The following CDH13 variants were observed in gnomAD, a reference collection of about 807,000 sequenced individuals.
The protein encoded by CDH13 is cadherin-13.
Under a neutral mutation model 63.8 loss-of-function variants are expected in CDH13, and 24 were observed. That is an observed-to-expected ratio of 0.38 (90% confidence interval 0.27 to 0.53). CDH13 has a LOEUF of 0.53. Among genes scored for constraint, CDH13 ranks in the 20% least tolerant of loss-of-function variants. The pLI, the probability that CDH13 is intolerant of heterozygous loss-of-function variation, is 0.85. For missense variants in CDH13, 1,049 were observed against 903.1 expected, an observed-to-expected ratio of 1.16 and a Z score of -2.07; for synonymous variants, 503 against 355.3, an observed-to-expected ratio of 1.42 and a Z score of -4.67.
intron 2 of CDH13, among the ~76,000 whole-genome samples, chr16:82,895,228 C>T (rs1009739239): frequency 6.6e-6 from 1 of 152,186 alleles, no homozygotes; most frequent in African/African-American, 2.4e-5. Context: ...CAGCCCTTGA[C>T]ATCCACCAAT....
At chr16:83,503,657 C>A (rs1362726399) in intron 7 of CDH13, among the ~76,000 whole-genome samples, 2 of 152,112 alleles carry the variant, frequency 1.3e-5, no homozygotes, top group African/African-American at 2.4e-5. Context: ...TGACGATGAG[C>A]TTTTTTCCAA....
At chr16:82,647,242 T>C (rs16957965) in intron 1 of CDH13, among the ~76,000 whole-genome samples, 34,166 of 152,042 alleles carry the variant, frequency 0.22, 5,321 homozygotes, top group African/African-American at 0.44. Context: ...GTCCAGCAAA[T>C]AATATGGCCT....
intron 10 of CDH13, among the ~76,000 whole-genome samples, chr16:83,739,372 G>A (rs928941119): frequency 6.6e-6 from 1 of 152,196 alleles, no homozygotes; most frequent in Non-Finnish European, 1.5e-5. Context: ...ACCCCACTGG[G>A]AGCAGACTCC....
At position 82,916,246 on chromosome 16, in the gene CDH13, A is replaced by G. The variant is rs1349776417; in HGVS notation, c.157+57773A>G. On this transcript the variant is annotated intron_variant, in intron 2 of 13. Coordinates refer to ENST00000567109, the MANE Select transcript of CDH13 (RefSeq NM_001257.5). ...CCCACAGGCTCCCAGGGCCCAGTGT[A>G]GAAGGTGAGAGATTCGTGTAAAATG... Among the ~76,000 whole-genome samples, 4 of 152,144 alleles carry G rather than the reference A, an allele frequency of 2.6e-5. No homozygotes were observed. In the East Asian group the frequency reaches 7.7e-4, roughly 29 times the overall value.
At chr16:83,121,049 G>T (rs549261499) in intron 3 of CDH13, among the ~76,000 whole-genome samples, 1 of 152,160 alleles carries the variant, frequency 6.6e-6, no homozygotes, top group African/African-American at 2.4e-5. Context: ...GGCGTGATCC[G>T]CTGCGCCCAG....
At chr16:82,957,558 G>GC (rs1336156471) in intron 2 of CDH13, among the ~76,000 whole-genome samples, 1 of 152,048 alleles carries the variant, frequency 6.6e-6, no homozygotes, top group Admixed American at 6.6e-5. Context: ...ACATGTACAC[G>GC]CCCCCCTGCT....
At chr16:82,669,168 G>C (rs1243456344) in intron 1 of CDH13, among the ~76,000 whole-genome samples, 1 of 152,168 alleles carries the variant, frequency 6.6e-6, no homozygotes, top group South Asian at 2.1e-4. Flanking sequence ...ACCCACTACA[G>C]ACCATCGGAA....
chr16:82,926,074 T>A (rs2042295699), intron 2 of CDH13: 1 of 152,202 alleles, frequency 6.6e-6, no homozygotes, highest in Admixed American at 6.5e-5. Context: ...TTAATTAGTC[T>A]GTGCAGCTTT....
intron 5 of CDH13, among the ~76,000 whole-genome samples, chr16:83,281,828 G>A (rs1224537057): frequency 6.6e-6 from 1 of 152,066 alleles, no homozygotes; most frequent in Admixed American, 6.6e-5. Flanking sequence ...CAGGAGAATT[G>A]CTTGAACCCA....
chr16:83,379,936 T>TAGAGAG (rs71272415), intron 6 of CDH13, among the ~76,000 whole-genome samples: 3,174 of 91,636 alleles, frequency 0.035, 54 homozygotes, highest in Middle Eastern at 0.074. Flanking sequence ...TATATATATA[T>TAGAGAG]ATAGAGAGAG....
At chr16:83,168,658 C>T (rs1346680980) in intron 4 of CDH13, among the ~76,000 whole-genome samples, 8 of 147,284 alleles carry the variant, frequency 5.4e-5, no homozygotes, top group Non-Finnish European at 1.1e-4. Context: ...CTTCTGATAA[C>T]ATATTGGTGC....
intron 1 of CDH13, among the ~76,000 whole-genome samples, chr16:82,730,036 AG>A (rs1232136182): frequency 6.6e-6 from 1 of 152,168 alleles, no homozygotes; most frequent in East Asian, 1.9e-4. Context: ...GCTGTGGATT[AG>A]GTGTTGGCTT....
intron 2 of CDH13, among the ~76,000 whole-genome samples, chr16:83,030,982 T>G (rs1261528235): frequency 2.6e-5 from 4 of 151,396 alleles, no homozygotes; most frequent in Non-Finnish European, 4.4e-5. Context: ...TCAAAGTAAA[T>G]TAAGGAGCTG....
chr16:83,773,927 CTTA>C (rs1295151612), intron 11 of CDH13, among the ~76,000 whole-genome samples: 1 of 152,128 alleles, frequency 6.6e-6, no homozygotes, highest in Non-Finnish European at 1.5e-5. Context: ...TCTCTCCATC[CTTA>C]TCCCTCCCCC....
At chr16:83,501,954 T>C (rs1197011559) in intron 7 of CDH13, among the ~76,000 whole-genome samples, 1 of 152,170 alleles carries the variant, frequency 6.6e-6, no homozygotes, top group Non-Finnish European at 1.5e-5. Flanking sequence ...AGCTTGGGCT[T>C]AGGAATTCAC....
At chr16:83,031,175 TGCGCATGTATAC>T (rs1916274203) in intron 2 of CDH13, among the ~76,000 whole-genome samples, 1 of 144,566 alleles carries the variant, frequency 6.9e-6, no homozygotes, top group African/African-American at 2.5e-5. Context: ...GGTATATACA[TGCGCATGTATAC>T]ACCATATACA....
At chr16:83,549,148 G>A (rs76565059) in intron 7 of CDH13, among the ~76,000 whole-genome samples, 3,370 of 152,206 alleles carry the variant, frequency 0.022, 141 homozygotes, top group African/African-American at 0.077. Flanking sequence ...CGTTAACGGA[G>A]CTTGGTCCTT....
chr16:83,166,775 C>T (rs187567387), intron 4 of CDH13, among the ~76,000 whole-genome samples: 5 of 152,274 alleles, frequency 3.3e-5, no homozygotes, highest in Admixed American at 6.5e-5. Context: ...TCAAAAAATG[C>T]CCGTTGGGCA....
intron 8 of CDH13, among the ~76,000 whole-genome samples, chr16:83,608,415 A>G (rs886837966): frequency 2.1e-4 from 32 of 152,206 alleles, no homozygotes; most frequent in Non-Finnish European, 3.4e-4. Context: ...TCCAATTTCT[A>G]AAAGTCAGTG....
Sources: allele counts gnomAD v4.1 joint callset (sites outside exome capture counted in the v4.1 genomes callset), GRCh38; gene constraint gnomAD v4.1.1; transcripts MANE v1.5; gene names NCBI Gene and HGNC (gene_info 2026-07-23, HGNC 2026-07-21).